Variants in LTBP3 observed in about 807,000 individuals in gnomAD.
LTBP3 encodes the protein latent-transforming growth factor beta-binding protein 3.
A neutral mutation model predicts 159.7 loss-of-function variants in LTBP3; 97 were observed. That is an observed-to-expected ratio of 0.61 (90% CI 0.52 to 0.72). The LOEUF (loss-of-function observed/expected upper bound fraction) is 0.72, where lower values mean the gene tolerates loss of function less well. Ranked by LOEUF, LTBP3 falls within the 30% of genes least tolerant of loss-of-function variation. The pLI is 0.00. For missense variants in LTBP3, 1,584 were observed against 1,864.3 expected, an observed-to-expected ratio of 0.85 and a Z score of 2.77; for synonymous variants, 824 against 777.1, an observed-to-expected ratio of 1.06 and a Z score of -1.00.
At position 65,540,627 on chromosome 11, in the gene LTBP3, A is replaced by C; in HGVS notation, c.2978-13T>G. ...CACTCGTCGATGTCTGCGGGGTGAC[A>C]AACACTGGCCGCTCCGGTCCCGCAG... On this transcript the variant is annotated splice_polypyrimidine_tract_variant and intron_variant, in intron 21 of 27. Transcript: ENST00000301873. 1 of 1,596,546 alleles carries C rather than the reference A, an allele frequency of 6.3e-7. No individual in the cohort carries two copies. Among genetic ancestry groups the C allele is most frequent in the South Asian group, 1.1e-5 (1 of 90,166 alleles).
At chr11:65,539,971 G>A (rs1187814526) in intron 24 of LTBP3, 42 bp downstream of exon 24, 15 of 1,458,846 alleles carry the variant, frequency 1.0e-5, no homozygotes, top group Non-Finnish European at 6.3e-6. Context: ...CCACGTGACG[G>A]ACAGGGCCCC....
intron 11 of LTBP3, among the ~76,000 whole-genome samples, chr11:65,550,398 C>T (rs552684549): frequency 1.1e-4 from 17 of 150,412 alleles, no homozygotes; most frequent in African/African-American, 3.4e-4. Context: ...GGCGACAGAG[C>T]GAGACTCCGT....
intron 1 of LTBP3, among the ~76,000 whole-genome samples, chr11:65,556,183 CA>C (rs202218453): frequency 0.024 from 3,674 of 152,090 alleles, 92 homozygotes; most frequent in Non-Finnish European, 0.031. Flanking sequence ...GTCCTCTTGT[CA>C]CACACACACA....
intron 23 of LTBP3, 23 bp from the exon 24 acceptor site, chr11:65,540,176 TG>T: frequency 1.3e-6 from 2 of 1,534,158 alleles, no homozygotes; most frequent in African/African-American, 2.8e-5. Flanking sequence ...AGGGGGTGGG[TG>T]GGGGCCGTCA....
At position 65,540,861 on chromosome 11, in the gene LTBP3, G is replaced by C. The variant is rs202235144; in HGVS notation, c.2977+10C>G. The C allele has an allele frequency of 7.1e-5, 114 of 1,608,348 alleles. 1 individual carries two copies. The East Asian group carries it at 2.3e-3, about 33-fold the overall frequency. ...AGGGCGCGGGGCGGGCGGAGCCGCA[G>C]GGCGCTTACCACGGTGGGCTGGGAT... On this transcript the variant is annotated intron_variant, in intron 21 of 27. Coordinates refer to ENST00000301873, the MANE Select transcript of LTBP3 (RefSeq NM_001130144.3).
At position 65,539,087 on chromosome 11, in the gene LTBP3, C is replaced by T. The variant is rs775282370; in HGVS notation, c.3905G>A (p.Arg1302His). The change falls in exon 28 of 28, where the codon CGC (arginine) becomes CAC (histidine). Residue 1302 changes from arginine (R) to histidine (H), a missense_variant. Physicochemically the swap from Arg to His is conservative, Grantham distance 29. Coordinates refer to ENST00000301873, the MANE Select transcript of LTBP3 (RefSeq NM_001130144.3). ...RPHGACVPQRRR is the reference protein window; with the variant it reads ...RPHGACVPQRHR ...AGGGCGGCGTCGGCGGCGTCAGCGGCGGCGCTGGGGAACGCAGGCCCCGTG... is the reference window on the plus strand; with the variant it reads ...AGGGCGGCGTCGGCGGCGTCAGCGGTGGCGCTGGGGAACGCAGGCCCCGTG... 45 of 1,405,538 alleles carry T rather than the reference C, an allele frequency of 3.2e-5. No individual in the cohort carries two copies. In the Admixed American group the frequency reaches 6.8e-4, roughly 21 times the overall value. The allele number at this position is 1,405,538 out of a possible 1,614,324, so 87.1% of individuals were successfully genotyped here. A position where few individuals can be genotyped will look rare whatever the true frequency, so the allele number is the denominator to read the frequency against.
In LTBP3 at chr11:65,552,217, G is replaced by T; in HGVS notation, c.1345+31C>A. The stretch of plus-strand genomic sequence containing the variant: ...TTCCTGGACAGGTGCATGGACCTAT[G>T]AACCCCTATCCCCGGGTAACCCTGA... On this transcript the variant is annotated intron_variant, in intron 7 of 27. Transcript: ENST00000301873. This position sits in a 1 kb window ranked among gnomAD's most constrained non-coding sequence, Gnocchi z 6.0. The T allele has an allele frequency of 6.2e-7, 1 of 1,614,150 alleles. No individual in the cohort carries two copies. The highest frequency in any genetic ancestry group is 8.5e-7 in the Non-Finnish European group (1 of 1,180,008).
rs772590438 is a variant in LTBP3 at position 65,557,815 on chromosome 11, G to T, written c.145C>A (p.Arg49=). Residue 49 remains arginine (R), a synonymous_variant, in exon 1 of 28, where the codon CGG becomes AGG. Transcript: ENST00000301873. ...AGCGCCCCGCCCCCGCCTGCGCCCC[G>T]CTCGCCGGCCGGCCCCCCCTCGACC... ...GRVEGGPAGE[R]GAGGGGALAR... is the part of the protein sequence containing the mutation. 1 of 1,486,086 alleles carries T rather than the reference G, an allele frequency of 6.7e-7. No homozygotes were observed. The highest frequency in any genetic ancestry group is 2.7e-5 in the East Asian group (1 of 37,146). 92.1% of individuals were successfully genotyped at this position (1,486,086 alleles called of 1,614,324 possible).
rs1346452439 is a variant in LTBP3 at position 65,540,250 on chromosome 11, T to C, written c.3239A>G (p.Glu1080Gly). The C allele has an allele frequency of 6.5e-7, 1 of 1,550,126 alleles. No homozygotes were observed. Among genetic ancestry groups the C allele is most frequent in the South Asian group, 1.2e-5 (1 of 84,068 alleles). Residue 1080 changes from glutamate (E) to glycine (G), a missense_variant, in exon 23 of 28, where the codon GAG becomes GGG. Glu to Gly is a moderately conservative substitution (Grantham distance 98). Coordinates refer to ENST00000301873, the MANE Select transcript of LTBP3 (RefSeq NM_001130144.3). ...PAQRQCLSPE[E>G]MDVDECQDPA... ...CTCCCCGGCCCGGGCCTCACCCATC[T>C]CTTCCGGGCTCAGGCACTGGCGCTG...
chr11:65,552,855 C>T lies in LTBP3; in HGVS notation c.1186+5G>A. ...CCTCCCAGGAACCTGAGCCCCAGGT[C>T]TCACCAATGCACTGTGTACGGGAGG... On this transcript the variant is annotated splice_donor_5th_base_variant and intron_variant, in intron 6 of 27. Coordinates refer to ENST00000301873, the MANE Select transcript of LTBP3 (RefSeq NM_001130144.3). This position sits in a 1 kb window ranked among gnomAD's most constrained non-coding sequence, Gnocchi z 6.0. The T allele has an allele frequency of 6.2e-7, 1 of 1,614,178 alleles. No individual in the cohort carries two copies. The highest frequency in any genetic ancestry group is 8.5e-7 in the Non-Finnish European group (1 of 1,180,016).
At chr11:65,542,368 G>C (rs1048304803) in intron 18 of LTBP3, 1 of 152,896 alleles carries the variant, frequency 6.5e-6, no homozygotes, top group Non-Finnish European at 1.4e-5. Context: ...GAAAATAGTA[G>C]GTGCTCAATA....
chr11:65,551,954 G>A lies in LTBP3; in HGVS notation c.1531+18C>T, dbSNP rs749665908. 2.9e-5 allele frequency: 47 copies of A among 1,613,416 alleles called. No homozygotes were observed. In the South Asian group the frequency reaches 5.1e-4, roughly 17 times the overall value. The stretch of plus-strand genomic sequence containing the variant: ...GGGGCTTGGCATGGGTCAGGGATCA[G>A]AAGGGGTCAGGCTAGACCTCTCTCT... On this transcript the variant is annotated intron_variant, in intron 8 of 27. Coordinates refer to ENST00000301873, the MANE Select transcript of LTBP3 (RefSeq NM_001130144.3).
In LTBP3 at chr11:65,538,999, A is replaced by G. The variant is rs1855903926; in HGVS notation, c.*81T>C. 7.6e-7 allele frequency: 1 copy of G among 1,316,760 alleles called. No homozygotes were observed. The highest frequency in any genetic ancestry group is 9.7e-7 in the Non-Finnish European group (1 of 1,033,968). The allele number at this position is 1,316,760 out of a possible 1,614,324, so 81.6% of individuals were successfully genotyped here. On this transcript the variant is annotated 3_prime_UTR_variant, in exon 28 of 28. Transcript: ENST00000301873. ...TGAAGGTCCCTGGGTCCGAGCCACAAGTCGGGGCAGAAGTGAGGCCGAGCT... is the reference window on the plus strand; with the variant it reads ...TGAAGGTCCCTGGGTCCGAGCCACAGGTCGGGGCAGAAGTGAGGCCGAGCT...
At chr11:65,550,845 CA>C (rs965450751) in intron 11 of LTBP3, among the ~76,000 whole-genome samples, 8 of 151,390 alleles carry the variant, frequency 5.3e-5, no homozygotes, top group East Asian at 3.9e-4. Flanking sequence ...AAACAAAAAA[CA>C]AAAAAAAACT....
rs1318622119 is a variant in LTBP3, at chr11:65,547,762, C to T, written c.1906G>A (p.Gly636Ser). The T allele has an allele frequency of 4.3e-6, 7 of 1,611,280 alleles. 1 individual carries two copies. The South Asian group carries it at 4.4e-5, about 10-fold the overall frequency. The change falls in exon 13 of 28, where the codon GGC becomes AGC. Residue 636 changes from glycine to serine, a missense_variant. Around this residue, in one of 6 missense-constraint regions of LTBP3, gnomAD observed 565 missense variants for 677.7 expected, o/e 0.83. Transcript: ENST00000301873. The surrounding 1 kb of genome is among the most constrained non-coding windows in gnomAD (Gnocchi z 4.6). ...TTGCAGTGGCAATTGTAGGAGCCGC[C>T]GGTGTTCATGCAGATGCCCCTCCCC... is the stretch of plus-strand genomic sequence containing the variant. ...GPGRGICMNTGGSYNCHCNRG... is the reference protein window; with the variant it reads ...GPGRGICMNTSGSYNCHCNRG...
At chr11:65,543,708 G>C in intron 16 of LTBP3, 159 bp from the exon 17 acceptor site, 2 of 927,902 alleles carry the variant, frequency 2.2e-6, no homozygotes, top group East Asian at 5.0e-5. Flanking sequence ...ACAGTGCCCT[G>C]ACGACCAGGT....
intron 21 of LTBP3, 120 bp from the exon 22 acceptor site, chr11:65,540,734 C>CCGG: frequency 2.0e-6 from 3 of 1,515,666 alleles, no homozygotes; most frequent in Non-Finnish European, 1.8e-6. Context: ...GCGGGGCCTA[C>CCGG]AGGGCGGGGC....
At position 65,546,601 on chromosome 11, in the gene LTBP3, C is replaced by A; in HGVS notation, c.2231-37G>T. 1 of 1,598,710 alleles carries A rather than the reference C, an allele frequency of 6.3e-7. No homozygotes were observed. The highest frequency in any genetic ancestry group is 8.5e-7 in the Non-Finnish European group (1 of 1,179,170). The stretch of plus-strand genomic sequence containing the variant: ...AGACCTAGCCTCGGACTCTGCCCCA[C>A]CGGAAGGCGGACCGCGCACCTCGCG... On this transcript the variant is annotated intron_variant, in intron 15 of 27. Coordinates refer to ENST00000301873, the MANE Select transcript of LTBP3 (RefSeq NM_001130144.3). The surrounding 1 kb of genome is among the most constrained non-coding windows in gnomAD (Gnocchi z 4.0).
In LTBP3 at chr11:65,558,093, G is replaced by A. The variant is rs1158596775; in HGVS notation, c.-134C>T. 1 of 1,076,060 alleles carries A rather than the reference G, an allele frequency of 9.3e-7. No homozygotes were observed. 66.7% of individuals were successfully genotyped at this position (1,076,060 alleles called of 1,614,324 possible). On this transcript the variant is annotated 5_prime_UTR_variant, in exon 1 of 28. Coordinates refer to ENST00000301873, the MANE Select transcript of LTBP3 (RefSeq NM_001130144.3). ...AGGGAGGGCAGCGGGGGAAGCGGGC[G>A]GGAGGGGACCGCGGGGGCCCGGCGG...
Sources: gnomAD v4.1 joint callset for allele counts (sites outside exome capture counted in the v4.1 genomes callset) on GRCh38, gnomAD v4.1.1 for gene constraint, gnomAD v4.1.1 regional missense constraint, Gnocchi (gnomAD v3.1) non-coding constraint, MANE v1.5 for transcripts, NCBI Gene and HGNC (gene_info 2026-07-23, HGNC 2026-07-21) for gene names.